ASPH: variants seen among roughly 807,000 people sequenced by gnomAD.
ASPH encodes aspartyl/asparaginyl beta-hydroxylase.
ASPH carries 100 observed loss-of-function variants against 118.4 expected under a neutral mutation model. That is an observed-to-expected ratio of 0.84 (90% CI 0.72 to 1.00). The LOEUF (loss-of-function observed/expected upper bound fraction) is 1.00. Ranked by LOEUF, ASPH falls within the 50% of genes least tolerant of loss-of-function variation. ASPH has a pLI of 0.00. For synonymous variants in ASPH, 315 were observed against 325.6 expected (o/e 0.97, Z 0.35); for missense variants, 920 against 919.5 (o/e 1.00, Z -0.01).
At chr8:61,519,202 T>C (rs1372369833) in intron 22 of ASPH, among the ~76,000 whole-genome samples, 1 of 152,220 alleles carries the variant, frequency 6.6e-6, no homozygotes, top group Non-Finnish European at 1.5e-5. Context: ...TCCATGCATA[T>C]GTTGATAAAT....
chr8:61,654,443 C>T (rs1375507788), intron 3 of ASPH, among the ~76,000 whole-genome samples: 1 of 152,008 alleles, frequency 6.6e-6, no homozygotes, highest in African/African-American at 2.4e-5. Flanking sequence ...TGGACTCCTC[C>T]TGACCTCATT....
At chr8:61,602,163 T>A (rs1028619459) in intron 14 of ASPH, among the ~76,000 whole-genome samples, 2 of 151,302 alleles carry the variant, frequency 1.3e-5, no homozygotes, top group African/African-American at 4.9e-5. Flanking sequence ...AAAAGAAAAC[T>A]ACTAACTGGT....
chr8:61,606,741 A>G (rs1192296848), intron 14 of ASPH: 1 of 152,232 alleles, frequency 6.6e-6, no homozygotes, highest in Non-Finnish European at 1.5e-5. Context: ...ATGAATTATG[A>G]TAATTTTCCC....
In ASPH at chr8:61,517,621, G is replaced by A. The variant is rs748753321; in HGVS notation, c.2033C>T (p.Pro678Leu). ...CCTGCAGTTTGTGGGCCCTGTGTGC[G>A]GCCACACGTGAGTCCCGGGGTGCAT... Reference protein sequence around the residue: ...SIMHPGTHVWPHTGPTNCRLR... With the variant: ...SIMHPGTHVWLHTGPTNCRLR... Residue 678 changes from proline to leucine, a missense_variant, in exon 24 of 25, where the codon CCG (proline) becomes CTG (leucine). Physicochemically the swap from Pro to Leu is moderately conservative, Grantham distance 98. Transcript: ENST00000379454. 2 of 1,614,038 alleles carry A rather than the reference G, an allele frequency of 1.2e-6. No homozygotes were observed. Among genetic ancestry groups the A allele is most frequent in the African/African-American group, 1.3e-5 (1 of 75,016 alleles).
chr8:61,654,497 C>T (rs1327092968), intron 3 of ASPH, among the ~76,000 whole-genome samples: 2 of 152,092 alleles, frequency 1.3e-5, no homozygotes, highest in African/African-American at 2.4e-5. Context: ...GGACAGCCTG[C>T]GGCAGGAAGG....
At chr8:61,530,078 C>T (rs1207647675) in intron 21 of ASPH, among the ~76,000 whole-genome samples, 1 of 152,134 alleles carries the variant, frequency 6.6e-6, no homozygotes, top group Non-Finnish European at 1.5e-5. Context: ...CTAATACCAC[C>T]CACTTGTCTT....
chr8:61,573,241 T>C (rs1212311403), intron 16 of ASPH, among the ~76,000 whole-genome samples: 1 of 152,214 alleles, frequency 6.6e-6, no homozygotes, highest in African/African-American at 2.4e-5. Context: ...AAACATTCCA[T>C]GCTCATGGAT....
At chr8:61,547,215 C>T (rs1161528556) in intron 21 of ASPH, among the ~76,000 whole-genome samples, 2 of 152,122 alleles carry the variant, frequency 1.3e-5, no homozygotes, top group Non-Finnish European at 2.9e-5. Context: ...AAGTAGAGAC[C>T]GTTAAAGTTC....
intron 14 of ASPH, among the ~76,000 whole-genome samples, chr8:61,611,553 G>C (rs537687001): frequency 6.6e-6 from 1 of 152,168 alleles, no homozygotes; most frequent in African/African-American, 2.4e-5. Context: ...AGTACAAGTC[G>C]TTATGTTTTG....
At chr8:61,561,338 C>A (rs1320235318) in intron 18 of ASPH, among the ~76,000 whole-genome samples, 3 of 152,172 alleles carry the variant, frequency 2.0e-5, no homozygotes, top group African/African-American at 7.2e-5. Context: ...CAATGTTCCA[C>A]ATGGAATTAA....
chr8:61,539,846 A>G (rs1172559238), intron 21 of ASPH, among the ~76,000 whole-genome samples: 4 of 151,914 alleles, frequency 2.6e-5, no homozygotes, highest in Non-Finnish European at 4.4e-5. Context: ...TTTTCTATGA[A>G]TGTGTGTTTA....
chr8:61,624,967 T>A, intron 13 of ASPH: 1 of 985,074 alleles, frequency 1.0e-6, no homozygotes, highest in South Asian at 4.7e-5. Flanking sequence ...ACTCACTACA[T>A]TGTATAATAA....
At position 61,642,922 on chromosome 8, in the gene ASPH, T is replaced by TA; in HGVS notation, c.758-3_758-2insT. On this transcript the variant is annotated splice_region_variant and splice_polypyrimidine_tract_variant and intron_variant, in intron 9 of 24. Transcript: ENST00000379454. ...CATAGACTTGGTATGTTACATCATC[T>TA]GAAAAAAAAAAGAGAATAAAAGCAA... The TA allele has an allele frequency of 6.4e-7, 1 of 1,556,376 alleles. No individual in the cohort carries two copies. Among genetic ancestry groups the TA allele is most frequent in the Admixed American group, 2.3e-5 (1 of 44,042 alleles).
At chr8:61,527,143 G>A (rs1586572631) in intron 21 of ASPH, among the ~76,000 whole-genome samples, 1 of 152,262 alleles carries the variant, frequency 6.6e-6, no homozygotes, top group East Asian at 1.9e-4. Flanking sequence ...CATGGGACTA[G>A]AACTAATAGG....
At chr8:61,690,671 CT>C (rs1441732878) in intron 1 of ASPH, among the ~76,000 whole-genome samples, 42 of 151,898 alleles carry the variant, frequency 2.8e-4, no homozygotes, top group African/African-American at 1.0e-3. Context: ...AGGCAGCAAC[CT>C]TTCTAAGTTG....
intron 18 of ASPH, among the ~76,000 whole-genome samples, chr8:61,560,730 G>A (rs1213329510): frequency 6.6e-6 from 1 of 152,176 alleles, no homozygotes; most frequent in East Asian, 1.9e-4. Flanking sequence ...TATTTTTCGG[G>A]ATGAAGTAAA....
chr8:61,675,231 A>G, intron 3 of ASPH: 3 of 778,914 alleles, frequency 3.9e-6, no homozygotes, highest in Non-Finnish European at 4.7e-6. Flanking sequence ...TTAATAAGTT[A>G]ATGAAGGAAA....
At chr8:61,629,894 A>G (rs1431321727) in intron 13 of ASPH, among the ~76,000 whole-genome samples, 2 of 152,150 alleles carry the variant, frequency 1.3e-5, no homozygotes, top group Admixed American at 6.5e-5. Flanking sequence ...GATTTCTACC[A>G]CTTGTCAGCT....
chr8:61,681,179 G>A, intron 2 of ASPH, 143 bp from the exon 3 acceptor site: 1 of 560,236 alleles, frequency 1.8e-6, no homozygotes, highest in Non-Finnish European at 2.9e-6. Context: ...CTGCAAAGCA[G>A]TGTCAAATGA....
Sources: gnomAD v4.1 joint callset for allele counts (sites outside exome capture counted in the v4.1 genomes callset) on GRCh38, gnomAD v4.1.1 for gene constraint, MANE v1.5 for transcripts, NCBI Gene and HGNC (gene_info 2026-07-23, HGNC 2026-07-21) for gene names.